Variants in WDR7 observed in about 807,000 individuals in gnomAD.
WDR7 encodes WD repeat-containing protein 7.
WDR7 carries 46 observed loss-of-function variants against 169.4 expected under a neutral mutation model. That is an observed-to-expected ratio of 0.27 (90% confidence interval 0.21 to 0.35). The LOEUF is 0.35. Ranked by LOEUF, WDR7 falls within the 10% of genes least tolerant of loss-of-function variation. The pLI, the probability that WDR7 is intolerant of heterozygous loss-of-function variation, is 1.00. For missense variants in WDR7, 1,534 were observed against 1,859.3 expected (o/e 0.83, Z 3.22); for synonymous variants, 612 against 666.8 (o/e 0.92, Z 1.27).
At chr18:56,967,510 A>G (rs528514332) in intron 26 of WDR7, among the ~76,000 whole-genome samples, 1 of 152,246 alleles carries the variant, frequency 6.6e-6, no homozygotes, top group East Asian at 1.9e-4. Flanking sequence ...TTAGCGGTCC[A>G]GGCATGTGTT....
At chr18:56,799,535 C>CT (rs1399525853) in intron 19 of WDR7, among the ~76,000 whole-genome samples, 1 of 151,866 alleles carries the variant, frequency 6.6e-6, no homozygotes, top group African/African-American at 2.4e-5. Flanking sequence ...GCTGACAACA[C>CT]TAACATATTT....
intron 26 of WDR7, among the ~76,000 whole-genome samples, chr18:56,990,130 A>C (rs2047789201): frequency 6.6e-6 from 1 of 152,264 alleles, no homozygotes. Flanking sequence ...ATAAAAGCAT[A>C]GAATTTGGAA....
chr18:56,992,005 A>G (rs2047824762), intron 26 of WDR7, among the ~76,000 whole-genome samples: 1 of 152,254 alleles, frequency 6.6e-6, no homozygotes, highest in Admixed American at 6.5e-5. Context: ...ATCAATTAAA[A>G]TAGAAAACGA....
At chr18:56,839,737 A>G (rs143644527) in intron 20 of WDR7, among the ~76,000 whole-genome samples, 32 of 152,304 alleles carry the variant, frequency 2.1e-4, no homozygotes, top group Non-Finnish European at 4.0e-4. Context: ...GGAATATTTT[A>G]AATCATGGGG....
chr18:56,908,939 T>C (rs939642243), intron 21 of WDR7, among the ~76,000 whole-genome samples: 4 of 152,182 alleles, frequency 2.6e-5, no homozygotes, highest in Non-Finnish European at 5.9e-5. Context: ...AGTCTAAGTA[T>C]AATTTCCAGA....
intron 12 of WDR7, among the ~76,000 whole-genome samples, chr18:56,700,625 A>T (rs1319580830): frequency 7.2e-6 from 1 of 138,114 alleles, no homozygotes; most frequent in Admixed American, 7.6e-5. Flanking sequence ...GCTGGAGTGC[A>T]GTGGCGCGAT....
At chr18:56,972,843 T>G (rs117619256) in intron 26 of WDR7, among the ~76,000 whole-genome samples, 173 of 152,234 alleles carry the variant, frequency 1.1e-3, no homozygotes, top group East Asian at 7.1e-3. Context: ...TCTTGGTTTT[T>G]TTTTGTTTTG....
chr18:57,033,256 G>C (rs1001168031), downstream of WDR7: 12 of 152,168 alleles, frequency 7.9e-5, no homozygotes, highest in African/African-American at 2.4e-4. Flanking sequence ...AGGTTTCCCA[G>C]AGAGGAAACA....
intron 12 of WDR7, among the ~76,000 whole-genome samples, chr18:56,704,114 G>A (rs2543157): frequency 0.91 from 139,129 of 152,214 alleles, 64,774 homozygotes; most frequent in Non-Finnish European, 1. Flanking sequence ...TAGCTCTCAC[G>A]TTCATTTTAA....
intron 19 of WDR7, among the ~76,000 whole-genome samples, chr18:56,784,205 A>C (rs1350905140): frequency 6.6e-6 from 1 of 152,196 alleles, no homozygotes; most frequent in Non-Finnish European, 1.5e-5. Flanking sequence ...TCAGTTACTA[A>C]GTGACAGACT....
chr18:56,928,586 T>A (rs2046838158), intron 22 of WDR7, among the ~76,000 whole-genome samples: 3 of 152,254 alleles, frequency 2.0e-5, no homozygotes. Context: ...GTGAGTTTTT[T>A]CTTTGTTTTA....
At chr18:56,969,910 G>C (rs1320818858) in intron 26 of WDR7, among the ~76,000 whole-genome samples, 3 of 152,196 alleles carry the variant, frequency 2.0e-5, no homozygotes, top group Admixed American at 1.3e-4. Context: ...TGGTTGCGTA[G>C]TTAATAGAGT....
At chr18:56,907,804 GCTT>G (rs1343905490) in intron 21 of WDR7, among the ~76,000 whole-genome samples, 1 of 151,996 alleles carries the variant, frequency 6.6e-6, no homozygotes, top group Non-Finnish European at 1.5e-5. Context: ...ACTCCCTCAG[GCTT>G]CTTTTGTAAA....
intron 16 of WDR7, among the ~76,000 whole-genome samples, chr18:56,770,338 CTTAT>C (rs545817801): frequency 1.1e-3 from 162 of 152,222 alleles, no homozygotes; most frequent in African/African-American, 3.7e-3. Flanking sequence ...GTAATTGTTA[CTTAT>C]TTAGTGTTAA....
intron 1 of WDR7, among the ~76,000 whole-genome samples, chr18:56,671,324 T>C (rs1047746444): frequency 2.0e-5 from 3 of 148,966 alleles, no homozygotes; most frequent in Non-Finnish European, 4.4e-5. Context: ...CAAAGTTTCC[T>C]GTTGCTCAGG....
At chr18:56,836,768 A>G (rs1185140514) in intron 20 of WDR7, among the ~76,000 whole-genome samples, 3 of 152,226 alleles carry the variant, frequency 2.0e-5, no homozygotes, top group Non-Finnish European at 2.9e-5. Flanking sequence ...TAAAACTTCT[A>G]AAAAGATAGT....
At chr18:56,994,390 A>G (rs1429974293) in intron 26 of WDR7, among the ~76,000 whole-genome samples, 1 of 152,200 alleles carries the variant, frequency 6.6e-6, no homozygotes, top group Non-Finnish European at 1.5e-5. Flanking sequence ...CTGTTGAAGT[A>G]AGTGAAAATC....
rs139957792 is a variant in WDR7, at chr18:56,817,498, T to C, written c.3304+1354T>C. Among the ~76,000 whole-genome samples, 687 of 152,280 alleles carry C rather than the reference T, an allele frequency of 4.5e-3. 12 individuals carry two copies. Among genetic ancestry groups the C allele is most frequent in the African/African-American group, 0.016 (657 of 41,566 alleles). On this transcript the variant is annotated intron_variant, in intron 20 of 27. Transcript: ENST00000254442. The stretch of plus-strand genomic sequence containing the variant: ...TTACAAAGTGTATATTTAAAATACC[T>C]ATAGCCTTGTGCCACTGCTGCCTAA...
intron 26 of WDR7, among the ~76,000 whole-genome samples, chr18:56,980,034 G>T (rs770698767): frequency 3.1e-4 from 47 of 152,146 alleles, no homozygotes; most frequent in Middle Eastern, 3.2e-3. Flanking sequence ...GCCATTCTGA[G>T]CTCTCCTCTA....
Sources: allele counts gnomAD v4.1 joint callset (sites outside exome capture counted in the v4.1 genomes callset), GRCh38; gene constraint gnomAD v4.1.1; transcripts MANE v1.5; gene names NCBI Gene and HGNC (gene_info 2026-07-23, HGNC 2026-07-21).